Variants in ZC3H18 observed in about 807,000 individuals in gnomAD.
The protein encoded by ZC3H18 is zinc finger CCCH-type containing 18.
A neutral mutation model predicts 106.1 loss-of-function variants in ZC3H18; 8 were observed. That is an observed-to-expected ratio of 0.08 (90% CI 0.04 to 0.14). The LOEUF (loss-of-function observed/expected upper bound fraction) is 0.14. ZC3H18 is among the 10% of genes least tolerant of loss of function. The pLI, the probability that ZC3H18 is intolerant of heterozygous loss-of-function variation, is 1.00. For synonymous variants in ZC3H18, 635 were observed against 522.1 expected (o/e 1.22, Z -2.95); for missense variants, 1,318 against 1,278.4 (o/e 1.03, Z -0.47).
intron 2 of ZC3H18, among the ~76,000 whole-genome samples, chr16:88,579,157 T>C (rs1370136444): frequency 6.6e-6 from 1 of 152,260 alleles, no homozygotes; most frequent in African/African-American, 2.4e-5. Flanking sequence ...CTGAGAATTT[T>C]AGATGTTTCA....
At chr16:88,599,330 G>C (rs1462986647) in intron 5 of ZC3H18, among the ~76,000 whole-genome samples, 1 of 152,232 alleles carries the variant, frequency 6.6e-6, no homozygotes, top group African/African-American at 2.4e-5. Flanking sequence ...GTTGGCCCCA[G>C]TGTGTGAGCT....
At position 88,628,795 on chromosome 16, in the gene ZC3H18, C is replaced by T; in HGVS notation, c.2507C>T (p.Ser836Leu). 3 of 1,614,128 alleles carry T rather than the reference C, an allele frequency of 1.9e-6. No individual in the cohort carries two copies. Among genetic ancestry groups the T allele is most frequent in the East Asian group, 2.2e-5 (1 of 44,882 alleles). The part of the protein sequence containing the change: ...DKGSRKRYEP[S>L]DKDRQSPPPA... Reference sequence around the variant, plus strand: ...GGAAGCAGGAAGCGCTATGAACCATCAGACAAGGACAGGCAGAGCCCTCCT... The same window carrying T: ...GGAAGCAGGAAGCGCTATGAACCATTAGACAAGGACAGGCAGAGCCCTCCT... Residue 836 changes from serine (S) to leucine (L), a missense_variant, in exon 16 of 18, where the codon TCA (serine) becomes TTA (leucine). By Grantham distance (145) the Ser-to-Leu change is moderately radical (BLOSUM62 -2). Coordinates refer to ENST00000301011, the MANE Select transcript of ZC3H18 (RefSeq NM_144604.4).
At position 88,628,270 on chromosome 16, in the gene ZC3H18, T is replaced by TC. The variant is rs560030132; in HGVS notation, c.2469+153dup. On this transcript the variant is annotated intron_variant, in intron 15 of 17. Coordinates refer to ENST00000301011, the MANE Select transcript of ZC3H18 (RefSeq NM_144604.4). ...CACAGCCTGGGTAACAAAGCGAGAC[T>TC]CCATCTTTCCGGCCTGGGCTGGGAA... The TC allele has an allele frequency of 3.4e-5, 32 of 933,098 alleles. No individual in the cohort carries two copies. The African/African-American group carries it at 4.3e-4, about 13-fold the overall frequency. 57.8% of individuals were successfully genotyped at this position (933,098 alleles called of 1,614,324 possible).
intron 2 of ZC3H18, 81 bp from the exon 3 acceptor site, chr16:88,586,519 T>C: frequency 8.4e-7 from 1 of 1,187,402 alleles, no homozygotes; most frequent in Non-Finnish European, 1.3e-6. Flanking sequence ...CACACGCAGC[T>C]TCCTGCCCCT....
At chr16:88,628,161 G>C (rs766450479) in intron 15 of ZC3H18, 42 bp downstream of exon 15, 1 of 1,598,534 alleles carries the variant, frequency 6.3e-7, no homozygotes, top group Non-Finnish European at 8.5e-7. Context: ...CAGCGTCTAG[G>C]CCTGGGTCCA....
Position 88,625,208 on chromosome 16 carries a change from G to C in ZC3H18, c.2049G>C (p.Thr683=), listed in dbSNP as rs139603213. The stretch of plus-strand genomic sequence containing the variant: ...GCTGTTGCTTGTATTACAGGCGGAC[G>C]CTAAGCGGCAGCGGCAGTGGCAGTG... The part of the protein sequence containing the change: ...RPARTPPRRR[T]LSGSGSGSGS... The change falls in exon 13 of 18, where the codon ACG becomes ACC. Residue 683 remains threonine, a synonymous_variant. Transcript: ENST00000301011. 6.3e-7 allele frequency: 1 copy of C among 1,588,968 alleles called. No homozygotes were observed. Among genetic ancestry groups the C allele is most frequent in the Admixed American group, 1.8e-5 (1 of 56,712 alleles).
At chr16:88,586,817 GGT>G in intron 3 of ZC3H18, 133 bp downstream of exon 3, 1 of 635,198 alleles carries the variant, frequency 1.6e-6, no homozygotes, top group Non-Finnish European at 2.8e-6. Context: ...AGGTGGTGGT[GGT>G]GGTGGTGGTG....
At chr16:88,610,041 A>G (rs1270417384) in intron 7 of ZC3H18, among the ~76,000 whole-genome samples, 1 of 151,414 alleles carries the variant, frequency 6.6e-6, no homozygotes, top group African/African-American at 2.4e-5. Context: ...GTTCTGGTCC[A>G]CTTCAGCCAG....
chr16:88,590,564 C>CTTTTTT (rs57632461), intron 3 of ZC3H18, among the ~76,000 whole-genome samples: 14,121 of 100,026 alleles, frequency 0.14, 1,875 homozygotes, highest in Middle Eastern at 0.24. Context: ...TTCTTTATTT[C>CTTTTTT]TTTTTTTTTT....
At chr16:88,572,241 C>T (rs1914453681) in intron 1 of ZC3H18, among the ~76,000 whole-genome samples, 1 of 152,210 alleles carries the variant, frequency 6.6e-6, no homozygotes, top group African/African-American at 2.4e-5. Context: ...TTCAGCAGTG[C>T]CGTTGGAGTC....
Position 88,586,716 on chromosome 16 carries a change from C to G in ZC3H18, c.688+32C>G, listed in dbSNP as rs573893328. 1.4e-5 allele frequency: 23 copies of G among 1,590,382 alleles called. No individual in the cohort carries two copies. In the South Asian group the frequency reaches 2.4e-4, roughly 17 times the overall value. On this transcript the variant is annotated intron_variant, in intron 3 of 17. Transcript: ENST00000301011. ...GTCTGCGTGTGAGGCCTTCTCGCAGCCAGCTGGGGCCCCACCTTCTGGGGC... is the reference window on the plus strand; with the variant it reads ...GTCTGCGTGTGAGGCCTTCTCGCAGGCAGCTGGGGCCCCACCTTCTGGGGC...
Position 88,625,220 on chromosome 16 carries a change from C to CGGCAGT in ZC3H18, c.2070_2075dup (p.Gly692_Ser693dup), listed in dbSNP as rs755710656. 6.9e-6 allele frequency: 11 copies of CGGCAGT among 1,591,688 alleles called. No individual in the cohort carries two copies. The highest frequency in any genetic ancestry group is 2.3e-5 in the East Asian group (1 of 43,646). On this transcript the variant is annotated inframe_insertion, in exon 13 of 18. Transcript: ENST00000301011. ...ATTACAGGCGGACGCTAAGCGGCAG[C>CGGCAGT]GGCAGTGGCAGTGGTAGCAGCTATA...
chr16:88,588,202 G>T (rs1471342352), intron 3 of ZC3H18, among the ~76,000 whole-genome samples: 2 of 152,240 alleles, frequency 1.3e-5, no homozygotes, highest in Non-Finnish European at 1.5e-5. Context: ...AACAACATCA[G>T]TGTCTCAAAT....
Position 88,611,414 on chromosome 16 carries a change from G to A in ZC3H18, c.1353G>A (p.Glu451=). The A allele has an allele frequency of 1.5e-6, 2 of 1,323,014 alleles. No individual in the cohort carries two copies. The highest frequency in any genetic ancestry group is 2.1e-6 in the Non-Finnish European group (2 of 938,256). The allele number at this position is 1,323,014 out of a possible 1,614,324, so 82.0% of individuals were successfully genotyped here. A position where few individuals can be genotyped will look rare whatever the true frequency, so the allele number is the denominator to read the frequency against. ...ACAAGGAGCGGCAGCGGAGGAAGGAGGAGTGGGAGCGTGAGCGAGCCAAGC... is the reference window on the plus strand; with the variant it reads ...ACAAGGAGCGGCAGCGGAGGAAGGAAGAGTGGGAGCGTGAGCGAGCCAAGC... ...ERDKERQRRK[E]EWERERAKRD... Residue 451 remains glutamate (E), a synonymous_variant, in exon 8 of 18, where the codon GAG becomes GAA. Coordinates refer to ENST00000301011, the MANE Select transcript of ZC3H18 (RefSeq NM_144604.4).
In ZC3H18 at chr16:88,630,569, C is replaced by T. The variant is rs764724558; in HGVS notation, c.2651C>T (p.Ala884Val). The T allele has an allele frequency of 1.2e-6, 2 of 1,606,286 alleles. No homozygotes were observed. The highest frequency in any genetic ancestry group is 1.7e-6 in the Non-Finnish European group (2 of 1,178,072). ...GGCCAGAACTCCAAAGCCCCTGCAG[C>T]CCCGGCTGACAGGTGAGTCCCACCC... is the stretch of plus-strand genomic sequence containing the variant. ...QRGQNSKAPAAPADRKRQLSP... is the reference protein window; with the variant it reads ...QRGQNSKAPAVPADRKRQLSP... Residue 884 changes from alanine to valine, a missense_variant, in exon 17 of 18, where the codon GCC becomes GTC. Around this residue, in one of 6 missense-constraint regions of ZC3H18, gnomAD observed 848 missense variants for 821.7 expected, o/e 1.03. Coordinates refer to ENST00000301011, the MANE Select transcript of ZC3H18 (RefSeq NM_144604.4).
intron 2 of ZC3H18, among the ~76,000 whole-genome samples, chr16:88,582,700 T>C (rs1423233686): frequency 1.3e-5 from 2 of 152,174 alleles, no homozygotes; most frequent in Non-Finnish European, 2.9e-5. Context: ...GCGTGGTTAG[T>C]GTTCCACATA....
At chr16:88,630,074 C>A in intron 16 of ZC3H18, 1 of 177,052 alleles carries the variant, frequency 5.6e-6, no homozygotes, top group South Asian at 1.2e-4. Flanking sequence ...GCAGTGGCCC[C>A]CCCCTCGGTT....
chr16:88,573,989 T>C lies in ZC3H18; in HGVS notation c.-14-3121T>C, dbSNP rs776248517. On this transcript the variant is annotated intron_variant, in intron 1 of 17. Coordinates refer to ENST00000301011, the MANE Select transcript of ZC3H18 (RefSeq NM_144604.4). Reference sequence around the variant, plus strand: ...CCCGAGTTCAAGCAATTCTCCTGCCTCAGCCTCCCGAGCAGCTGGGATTAC... The same window carrying C: ...CCCGAGTTCAAGCAATTCTCCTGCCCCAGCCTCCCGAGCAGCTGGGATTAC... Among the ~76,000 whole-genome samples the C allele has an allele frequency of 9.9e-5, 15 of 151,590 alleles. 1 individual carries two copies. Among genetic ancestry groups the C allele is most frequent in the Non-Finnish European group, 1.9e-4 (13 of 67,792 alleles).
chr16:88,623,652 TC>T, intron 10 of ZC3H18: 1 of 554,066 alleles, frequency 1.8e-6, no homozygotes, highest in South Asian at 2.4e-5. Context: ...TGTGGGTGTT[TC>T]TATGGGAGCT....
Sources: gnomAD v4.1 joint callset for allele counts (sites outside exome capture counted in the v4.1 genomes callset) on GRCh38, gnomAD v4.1.1 for gene constraint, gnomAD v4.1.1 regional missense constraint, MANE v1.5 for transcripts, NCBI Gene and HGNC (gene_info 2026-07-23, HGNC 2026-07-21) for gene names.